Variants in MOSPD2 observed in about 807,000 individuals in gnomAD.
The protein encoded by MOSPD2 is motile sperm domain-containing protein 2.
A neutral mutation model predicts 41.7 loss-of-function variants in MOSPD2; 5 were observed. The ratio of observed to expected loss-of-function variants is 0.12; its 90% CI spans 0.06 to 0.25. MOSPD2 has a LOEUF of 0.25. MOSPD2 is among the 10% of genes least tolerant of loss of function. The pLI, the probability that MOSPD2 is intolerant of heterozygous loss-of-function variation, is 1.00. For synonymous variants in MOSPD2, 115 were observed against 126.9 expected (o/e 0.91, Z 0.63); for missense variants, 282 against 375.2 (o/e 0.75, Z 2.05).
At position 14,912,254 on chromosome X, in the gene MOSPD2, C is replaced by G; in HGVS notation, c.885C>G (p.Asn295Lys). The G allele has an allele frequency of 8.6e-7, 1 of 1,157,775 alleles. No individual in the cohort carries two copies. Among genetic ancestry groups the G allele is most frequent in the African/African-American group, 1.8e-5 (1 of 54,405 alleles). ...TCCTTTTTTTTTGTCTTTAGATTAA[C>G]CCAACCGAATCTACTTCCAAAGCAG... is the stretch of plus-strand genomic sequence containing the variant. ...EEQTPLLKKI[N>K]PTESTSKAEE... Residue 295 changes from asparagine (N) to lysine (K), a missense_variant, in exon 10 of 15, where the codon AAC becomes AAG. Coordinates refer to ENST00000380492, the MANE Select transcript of MOSPD2 (RefSeq NM_152581.4).
chrX:14,917,474 T>G (rs919149568), intron 13 of MOSPD2, among the ~76,000 whole-genome samples: 1 of 111,653 alleles, frequency 9.0e-6, no homozygotes, highest in Non-Finnish European at 1.9e-5. Flanking sequence ...AAACTATTAG[T>G]TGGCACTAAG....
chrX:14,881,418 G>A (rs751265228), intron 2 of MOSPD2, among the ~76,000 whole-genome samples: 2 of 111,098 alleles, frequency 1.8e-5, no homozygotes, highest in Admixed American at 9.5e-5. Flanking sequence ...TAGGGTAAAG[G>A]GAACATATAA....
intron 5 of MOSPD2, among the ~76,000 whole-genome samples, chrX:14,899,267 A>G (rs933561327): frequency 4.6e-5 from 5 of 108,498 alleles, no homozygotes; most frequent in Non-Finnish European, 5.8e-5. Flanking sequence ...ACATCTTATC[A>G]TATCCACTTG....
intron 2 of MOSPD2, among the ~76,000 whole-genome samples, chrX:14,878,363 C>T (rs750378215): frequency 8.9e-6 from 1 of 112,115 alleles, no homozygotes; most frequent in Admixed American, 9.4e-5. Context: ...TCTTACCACA[C>T]CCTTACTCAT....
chrX:14,918,826 A>G (rs943214130), intron 14 of MOSPD2, 44 bp downstream of exon 14: 15 of 849,528 alleles, frequency 1.8e-5, no homozygotes, highest in Non-Finnish European at 2.4e-5. Flanking sequence ...GTTAATGCTG[A>G]TCAACATTAG....
In MOSPD2 at chrX:14,916,323, A is replaced by G. The variant is rs1199218234; in HGVS notation, c.1313A>G (p.His438Arg). 1.7e-6 allele frequency: 2 copies of G among 1,211,434 alleles called. No homozygotes were observed. The highest frequency in any genetic ancestry group is 2.2e-6 in the Non-Finnish European group (2 of 895,104). The stretch of plus-strand genomic sequence containing the variant: ...GTTCCCAGAAACAAAGTGATGGAAC[A>G]TAGGTAAGCTTTTCCCTCACATTCT... ...KEVPRNKVME[H>R]RLRCHTVESS... Residue 438 changes from histidine to arginine, a missense_variant, in exon 13 of 15, where the codon CAT becomes CGT. Physicochemically the swap from His to Arg is conservative, Grantham distance 29. Around this residue, in one of 3 missense-constraint regions of MOSPD2, gnomAD observed 94 missense variants for 102.1 expected, o/e 0.92. Transcript: ENST00000380492.
intron 6 of MOSPD2, 131 bp downstream of exon 6, chrX:14,900,766 G>A (rs1161172121): frequency 2.9e-6 from 1 of 346,334 alleles, no homozygotes; most frequent in Non-Finnish European, 5.1e-6. Context: ...AATTTTAAAT[G>A]TGTTCATAGA....
chrX:14,877,758 G>A (rs1300092930), intron 2 of MOSPD2, among the ~76,000 whole-genome samples: 1 of 107,146 alleles, frequency 9.3e-6, no homozygotes, highest in Non-Finnish European at 1.9e-5. Flanking sequence ...TGGATTATGA[G>A]GTCAGGAGAT....
chrX:14,896,736 G>T (rs1201918980), intron 4 of MOSPD2, among the ~76,000 whole-genome samples: 1 of 112,494 alleles, frequency 8.9e-6, no homozygotes, highest in Non-Finnish European at 1.9e-5. Context: ...TCCTCTGGAC[G>T]GAACATTTTT....
intron 2 of MOSPD2, among the ~76,000 whole-genome samples, chrX:14,879,104 T>A (rs1239141591): frequency 8.9e-6 from 1 of 112,539 alleles, no homozygotes; most frequent in Non-Finnish European, 1.9e-5. Flanking sequence ...GATTTGCTTC[T>A]GTTGCTCAAA....
chrX:14,888,944 T>C (rs1232001068), intron 2 of MOSPD2, among the ~76,000 whole-genome samples: 1 of 111,787 alleles, frequency 8.9e-6, no homozygotes, highest in Non-Finnish European at 1.9e-5. Flanking sequence ...TATAAAGGAA[T>C]ACCTGAGGCT....
intron 2 of MOSPD2, among the ~76,000 whole-genome samples, chrX:14,881,421 A>G (rs1356380841): frequency 9.0e-6 from 1 of 111,471 alleles, no homozygotes; most frequent in East Asian, 2.8e-4. Flanking sequence ...GGTAAAGGGA[A>G]CATATAACAG....
Position 14,921,658 on chromosome X carries a change from A to G in MOSPD2, c.*1849A>G, listed in dbSNP as rs1179258940. 7.4e-5 allele frequency: 17 copies of G among 229,188 alleles called. No homozygotes were observed. Among genetic ancestry groups the G allele is most frequent in the Non-Finnish European group, 1.6e-5 (2 of 127,834 alleles). The allele number at this position is 229,188 out of a possible 1,213,427, so 18.9% of individuals were successfully genotyped here. Reference sequence around the variant, plus strand: ...AAATATCCTTGCTCAATGTCTGGTCAGTTGAATTTAATAACATATCTTGTT... The same window carrying G: ...AAATATCCTTGCTCAATGTCTGGTCGGTTGAATTTAATAACATATCTTGTT... On this transcript the variant is annotated 3_prime_UTR_variant, in exon 15 of 15. Coordinates refer to ENST00000380492, the MANE Select transcript of MOSPD2 (RefSeq NM_152581.4).
At chrX:14,883,614 C>G (rs1321164203) in intron 2 of MOSPD2, among the ~76,000 whole-genome samples, 1 of 112,094 alleles carries the variant, frequency 8.9e-6, no homozygotes, top group African/African-American at 3.2e-5. Context: ...TTTGCAGAAG[C>G]TTTTCTTTAC....
intron 2 of MOSPD2, among the ~76,000 whole-genome samples, chrX:14,888,299 C>G (rs151030691): frequency 0.021 from 2,331 of 109,320 alleles, 56 homozygotes; most frequent in African/African-American, 0.074. Context: ...TCTCCCCACC[C>G]AAATCTCATC....
rs1408232710 is a variant in MOSPD2 at position 14,911,336 on chromosome X, AAAG to A, written c.807_809del (p.Glu269del). ...TACCAGTGAGGATGAAACTTCAAGT[AAAG>A]AAGACATAGAAAGTGATGGCAAAGA... On this transcript the variant is annotated inframe_deletion, in exon 9 of 15. Coordinates refer to ENST00000380492, the MANE Select transcript of MOSPD2 (RefSeq NM_152581.4). 3.3e-6 allele frequency: 4 copies of A among 1,205,124 alleles called. No homozygotes were observed. Among genetic ancestry groups the A allele is most frequent in the Non-Finnish European group, 4.5e-6 (4 of 890,479 alleles).
intron 4 of MOSPD2, among the ~76,000 whole-genome samples, chrX:14,896,757 G>A (rs2092563918): frequency 8.9e-6 from 1 of 112,426 alleles, no homozygotes; most frequent in African/African-American, 3.2e-5. Flanking sequence ...TCCAGTGCTC[G>A]ACAAAAGCAA....
At chrX:14,906,815 A>T (rs1277152306) in intron 7 of MOSPD2, among the ~76,000 whole-genome samples, 1 of 111,936 alleles carries the variant, frequency 8.9e-6, no homozygotes, top group Non-Finnish European at 1.9e-5. Flanking sequence ...ACCTGAGGTC[A>T]GAAGTTGGAG....
chrX:14,903,947 C>G (rs2092577420), intron 7 of MOSPD2, among the ~76,000 whole-genome samples: 1 of 111,820 alleles, frequency 8.9e-6, no homozygotes, highest in Non-Finnish European at 1.9e-5. Context: ...ACACAAACTA[C>G]TGAAACTAAT....
Sources: allele counts gnomAD v4.1 joint callset (sites outside exome capture counted in the v4.1 genomes callset), GRCh38; gene constraint gnomAD v4.1.1; regional missense constraint gnomAD v4.1.1; transcripts MANE v1.5; gene names NCBI Gene and HGNC (gene_info 2026-07-23, HGNC 2026-07-21).